The following TNFRSF13B variants were observed in gnomAD, a reference collection of about 807,000 sequenced individuals.
TNFRSF13B encodes the protein tumor necrosis factor receptor superfamily member 13B.
TNFRSF13B carries 34 observed loss-of-function variants against 24.0 expected under a neutral mutation model. The ratio of observed to expected loss-of-function variants is 1.41; its 90% CI spans 1.08 to 1.88. TNFRSF13B has a LOEUF of 1.88. Ranked by LOEUF, TNFRSF13B falls within the 40% of genes most tolerant of loss-of-function variation. TNFRSF13B has a pLI of 0.00. For missense variants in TNFRSF13B, 415 were observed against 380.8 expected (o/e 1.09, Z -0.75); for synonymous variants, 173 against 150.3 (o/e 1.15, Z -1.10).
intron 1 of TNFRSF13B, among the ~76,000 whole-genome samples, chr17:16,955,676 A>G (rs894813708): frequency 6.6e-6 from 1 of 152,200 alleles, no homozygotes; most frequent in Admixed American, 6.5e-5. Flanking sequence ...AGACATCTCA[A>G]AAGCAATCCT....
chr17:16,944,237 C>T (rs1054332648), intron 3 of TNFRSF13B, among the ~76,000 whole-genome samples: 1 of 152,228 alleles, frequency 6.6e-6, no homozygotes, highest in Non-Finnish European at 1.5e-5. Context: ...CGGCACAGTT[C>T]TCTGCTCCTA....
At chr17:16,964,012 AATGG>A (rs1167398887) in intron 1 of TNFRSF13B, among the ~76,000 whole-genome samples, 1 of 151,992 alleles carries the variant, frequency 6.6e-6, no homozygotes, top group African/African-American at 2.4e-5. Flanking sequence ...TGTGCATGGG[AATGG>A]ATGGTGACCT....
Position 16,939,749 on chromosome 17 carries a change from A to C in TNFRSF13B, c.680T>G (p.Val227Gly). 1 of 1,609,706 alleles carries C rather than the reference A, an allele frequency of 6.2e-7. No individual in the cohort carries two copies. The highest frequency in any genetic ancestry group is 8.5e-7 in the Non-Finnish European group (1 of 1,177,566). Residue 227 changes from valine to glycine, a missense_variant, in exon 5 of 5, where the codon GTG becomes GGG. Physicochemically the swap from Val to Gly is moderately radical, Grantham distance 109. Coordinates refer to ENST00000261652, the MANE Select transcript of TNFRSF13B (RefSeq NM_012452.3). ...GSPVSTSPEP[V>G]ETCSFCFPEC... ...AGGGAAGCAGAAGCTGCAGGTCTCCACTGGCTCGGGGGATGTGCTCACAGG... is the reference window on the plus strand; with the variant it reads ...AGGGAAGCAGAAGCTGCAGGTCTCCCCTGGCTCGGGGGATGTGCTCACAGG...
At chr17:16,939,980 G>T in intron 4 of TNFRSF13B, 183 bp from the exon 5 acceptor site, 1 of 1,032,790 alleles carries the variant, frequency 9.7e-7, no homozygotes, top group Non-Finnish European at 1.4e-6. Flanking sequence ...GGGCAGGGGT[G>T]GGCAGGCAAT....
chr17:16,957,182 T>C (rs1325064230), intron 1 of TNFRSF13B, among the ~76,000 whole-genome samples: 1 of 151,332 alleles, frequency 6.6e-6, no homozygotes, highest in Admixed American at 6.6e-5. Context: ...GTAGTCTTTT[T>C]TTTTTTTTTA....
rs545690830 is a variant in TNFRSF13B at position 16,947,754 on chromosome 17, G to A, written c.445+984C>T. 9.8e-5 allele frequency among the ~76,000 whole-genome samples: 15 copies of A among 152,354 alleles called. 1 individual carries two copies. The South Asian group carries it at 3.1e-3, about 32-fold the overall frequency. ...AACGCTTATACGCTGTTGGTGGAAT[G>A]TAAATTAGTTCAGCCACTGTAGAAA... On this transcript the variant is annotated intron_variant, in intron 3 of 4. Transcript: ENST00000261652.
At chr17:16,942,758 C>CA (rs1210718581) in intron 3 of TNFRSF13B, among the ~76,000 whole-genome samples, 10 of 152,210 alleles carry the variant, frequency 6.6e-5, no homozygotes, top group Non-Finnish European at 4.4e-5. Context: ...GTGCATATTT[C>CA]AAACATTTCA....
At position 16,940,520 on chromosome 17, in the gene TNFRSF13B, C is replaced by T; in HGVS notation, c.446-9G>A. ...CTTCAGCCCCGGGAGAGCTGCAAGACAGCATGAGACCCCTCTCTGCAGTGC... is the reference window on the plus strand; with the variant it reads ...CTTCAGCCCCGGGAGAGCTGCAAGATAGCATGAGACCCCTCTCTGCAGTGC... On this transcript the variant is annotated splice_polypyrimidine_tract_variant and intron_variant, in intron 3 of 4. Transcript: ENST00000261652. 6.2e-7 allele frequency: 1 copy of T among 1,612,474 alleles called. No homozygotes were observed.
At position 16,939,697 on chromosome 17, in the gene TNFRSF13B, G is replaced by T. The variant is rs371893711; in HGVS notation, c.732C>A (p.Ser244Arg). The T allele has an allele frequency of 6.2e-7, 1 of 1,607,982 alleles. No individual in the cohort carries two copies. Among genetic ancestry groups the T allele is most frequent in the Non-Finnish European group, 8.5e-7 (1 of 1,175,724 alleles). Residue 244 changes from serine (S) to arginine (R), a missense_variant, in exon 5 of 5, where the codon AGC (serine) becomes AGA (arginine). Transcript: ENST00000261652. ...FPECRAPTQE[S>R]AVTPGTPDPT... Reference sequence around the variant, plus strand: ...GGTCGGGGGTCCCAGGCGTGACTGCGCTCTCCTGCGTGGGCGCCCTGCACT... The same window carrying T: ...GGTCGGGGGTCCCAGGCGTGACTGCTCTCTCCTGCGTGGGCGCCCTGCACT...
At chr17:16,941,842 A>G (rs185705926) in intron 3 of TNFRSF13B, among the ~76,000 whole-genome samples, 2 of 152,210 alleles carry the variant, frequency 1.3e-5, no homozygotes, top group East Asian at 3.9e-4. Context: ...CAGACATTTC[A>G]TATTAATGAA....
At chr17:16,970,461 G>A (rs565454998) in intron 1 of TNFRSF13B, among the ~76,000 whole-genome samples, 14,623 of 152,144 alleles carry the variant, frequency 0.096, 1,723 homozygotes, top group African/African-American at 0.28. Context: ...TCTGTGGTCG[G>A]ATTAGTTTGA....
At chr17:16,960,815 A>C (rs1190678717) in intron 1 of TNFRSF13B, among the ~76,000 whole-genome samples, 2 of 152,176 alleles carry the variant, frequency 1.3e-5, no homozygotes, top group Non-Finnish European at 2.9e-5. Flanking sequence ...TGAAAAGACA[A>C]CTCACAGAAT....
At chr17:16,949,776 C>G (rs1221022996) in intron 2 of TNFRSF13B, among the ~76,000 whole-genome samples, 2 of 151,944 alleles carry the variant, frequency 1.3e-5, no homozygotes, top group East Asian at 3.9e-4. Context: ...ACCTCTGCCT[C>G]CCAGGTTCAA....
chr17:16,942,768 A>G (rs1322131797), intron 3 of TNFRSF13B, among the ~76,000 whole-genome samples: 1 of 152,238 alleles, frequency 6.6e-6, no homozygotes, highest in Non-Finnish European at 1.5e-5. Flanking sequence ...CAAACATTTC[A>G]TCATAAGATT....
At chr17:16,957,069 G>T (rs2087629905) in intron 1 of TNFRSF13B, among the ~76,000 whole-genome samples, 1 of 151,906 alleles carries the variant, frequency 6.6e-6, no homozygotes, top group African/African-American at 2.4e-5. Flanking sequence ...TCTGGTTTAG[G>T]ATGTTGCTAG....
chr17:16,959,061 A>G (rs565194352), intron 1 of TNFRSF13B, among the ~76,000 whole-genome samples: 3 of 152,200 alleles, frequency 2.0e-5, no homozygotes, highest in East Asian at 3.9e-4. Context: ...CCTTATGTTC[A>G]GCCACAAAAC....
intron 1 of TNFRSF13B, among the ~76,000 whole-genome samples, chr17:16,962,852 G>C (rs533443491): frequency 1.3e-5 from 2 of 152,284 alleles, no homozygotes; most frequent in Non-Finnish European, 2.9e-5. Context: ...TCCTTCACCG[G>C]GGGCCGGGGG....
At chr17:16,954,685 C>T (rs780512508) in intron 1 of TNFRSF13B, among the ~76,000 whole-genome samples, 4 of 152,316 alleles carry the variant, frequency 2.6e-5, no homozygotes, top group South Asian at 2.1e-4. Flanking sequence ...GGAGGCACCA[C>T]GTATCTCTGA....
Position 16,947,964 on chromosome 17 carries a change from T to C in TNFRSF13B, c.445+774A>G, listed in dbSNP as rs11868350. On this transcript the variant is annotated intron_variant, in intron 3 of 4. Transcript: ENST00000261652. ...AATCAATCTGGGTGCCCATCGATGGTTGGATAAAGAAAATGTGGTAAATAT... is the reference window on the plus strand; with the variant it reads ...AATCAATCTGGGTGCCCATCGATGGCTGGATAAAGAAAATGTGGTAAATAT... Among the ~76,000 whole-genome samples, 666 of 152,314 alleles carry C rather than the reference T, an allele frequency of 4.4e-3. 5 individuals carry two copies. The highest frequency in any genetic ancestry group is 0.015 in the African/African-American group (632 of 41,560).
Sources: gnomAD v4.1 joint callset for allele counts (sites outside exome capture counted in the v4.1 genomes callset) on GRCh38, gnomAD v4.1.1 for gene constraint, MANE v1.5 for transcripts, NCBI Gene and HGNC (gene_info 2026-07-23, HGNC 2026-07-21) for gene names.